TOR1B: variants seen among roughly 807,000 people sequenced by gnomAD.
The protein encoded by TOR1B is torsin-1B.
A neutral mutation model predicts 29.2 loss-of-function variants in TOR1B; 14 were observed. The observed-to-expected ratio is 0.48, with a 90% CI of 0.32 to 0.75. The LOEUF (loss-of-function observed/expected upper bound fraction) is 0.75, where lower values mean the gene tolerates loss of function less well. Among genes scored for constraint, TOR1B ranks in the 30% least tolerant of loss-of-function variants. The pLI is 0.04. For synonymous variants in TOR1B, 166 were observed against 179.8 expected (o/e 0.92, Z 0.62); for missense variants, 400 against 433.9 (o/e 0.92, Z 0.69).
Position 129,804,609 on chromosome 9 carries a change from C to T in TOR1B, c.465+271C>T. The T allele has an allele frequency of 9.9e-6, 4 of 404,488 alleles. No individual in the cohort carries two copies. The Admixed American group carries it at 1.2e-4, about 12-fold the overall frequency. 25.1% of individuals were successfully genotyped at this position (404,488 alleles called of 1,614,324 possible). A position where few individuals can be genotyped will look rare whatever the true frequency, so the allele number is the denominator to read the frequency against. On this transcript the variant is annotated intron_variant, in intron 2 of 4. Transcript: ENST00000259339. The stretch of plus-strand genomic sequence containing the variant: ...GCGCCGTGGCTCACGCCTGTAATCC[C>T]AGCATTTTGGGGAAGCCGAGGCGGG...
In TOR1B at chr9:129,810,189, C is replaced by T; in HGVS notation, c.*606C>T. The T allele has an allele frequency of 7.7e-7, 1 of 1,304,212 alleles. No individual in the cohort carries two copies. Among genetic ancestry groups the T allele is most frequent in the African/African-American group, 1.5e-5 (1 of 65,960 alleles). The allele number at this position is 1,304,212 out of a possible 1,614,324, so 80.8% of individuals were successfully genotyped here. A position where few individuals can be genotyped will look rare whatever the true frequency, so the allele number is the denominator to read the frequency against. On this transcript the variant is annotated 3_prime_UTR_variant, in exon 5 of 5. Coordinates refer to ENST00000259339, the MANE Select transcript of TOR1B (RefSeq NM_014506.3). ...TGCGGGGCACTGTGTTCTCATTGGC[C>T]AAAAACATCCTTTTGCTCTGTCTCG...
rs2030818164 is a variant in TOR1B at position 129,810,720 on chromosome 9, TC to T, written c.*1138del. ...ATGACATGGGCCCAGACTGAACAAGTCAGCTTGATGATCTTAAATGATGGAA... is the reference window on the plus strand; with the variant it reads ...ATGACATGGGCCCAGACTGAACAAGTAGCTTGATGATCTTAAATGATGGAA... On this transcript the variant is annotated 3_prime_UTR_variant, in exon 5 of 5. Coordinates refer to ENST00000259339, the MANE Select transcript of TOR1B (RefSeq NM_014506.3). 6.4e-6 allele frequency: 1 copy of T among 155,568 alleles called. No individual in the cohort carries two copies. The highest frequency in any genetic ancestry group is 6.3e-5 in the Admixed American group (1 of 15,796). The allele number at this position is 155,568 out of a possible 1,614,324, so 9.6% of individuals were successfully genotyped here.
intron 1 of TOR1B, 139 bp from the exon 2 acceptor site, chr9:129,803,934 T>C: frequency 9.2e-7 from 1 of 1,092,534 alleles, no homozygotes; most frequent in Non-Finnish European, 1.3e-6. Context: ...TTTGACTGCC[T>C]CGGCCCTAGG....
chr9:129,803,978 T>G, intron 1 of TOR1B, 95 bp from the exon 2 acceptor site: 2 of 1,529,460 alleles, frequency 1.3e-6, no homozygotes, highest in Non-Finnish European at 1.8e-6. Flanking sequence ...CCCTGGATAA[T>G]CTGTGCTTCT....
chr9:129,809,844 G>A lies in TOR1B; in HGVS notation c.*261G>A, dbSNP rs2030741411. 1 of 1,345,162 alleles carries A rather than the reference G, an allele frequency of 7.4e-7. No individual in the cohort carries two copies. Among genetic ancestry groups the A allele is most frequent in the Non-Finnish European group, 9.6e-7 (1 of 1,044,170 alleles). 83.3% of individuals were successfully genotyped at this position (1,345,162 alleles called of 1,614,324 possible). On this transcript the variant is annotated 3_prime_UTR_variant, in exon 5 of 5. Transcript: ENST00000259339. ...AGCCTCCCGAGTAGCTGGGATTACA[G>A]GCATGAGCCACTGTGCCCAGCTGGG...
rs111440015 is a variant in TOR1B, at chr9:129,810,399, C to A, written c.*816C>A. On this transcript the variant is annotated 3_prime_UTR_variant, in exon 5 of 5. Transcript: ENST00000259339. ...GACCTCTGCAGCAGACCTGGACAGA[C>A]AGGCCCCTCCCGCCTGTCCATCGCT... is the stretch of plus-strand genomic sequence containing the variant. The A allele has an allele frequency of 8.2e-7, 1 of 1,218,228 alleles. No homozygotes were observed. The highest frequency in any genetic ancestry group is 1.1e-6 in the Non-Finnish European group (1 of 945,424). 75.5% of individuals were successfully genotyped at this position (1,218,228 alleles called of 1,614,324 possible).
At chr9:129,808,028 C>T (rs2030606662) in intron 3 of TOR1B, among the ~76,000 whole-genome samples, 3 of 151,888 alleles carry the variant, frequency 2.0e-5, no homozygotes, top group Non-Finnish European at 4.4e-5. Flanking sequence ...CAATCAAGAC[C>T]CCGACCCTAA....
At position 129,809,132 on chromosome 9, in the gene TOR1B, C is replaced by G. The variant is rs1443388770; in HGVS notation, c.769+100C>G. On this transcript the variant is annotated intron_variant, in intron 4 of 4. Coordinates refer to ENST00000259339, the MANE Select transcript of TOR1B (RefSeq NM_014506.3). Reference sequence around the variant, plus strand: ...AAAGCCACAGGATCCCACTGGATTTCCTCACTTTGCTAAAGTCAGGAATTT... The same window carrying G: ...AAAGCCACAGGATCCCACTGGATTTGCTCACTTTGCTAAAGTCAGGAATTT... 15 of 1,526,666 alleles carry G rather than the reference C, an allele frequency of 9.8e-6. No individual in the cohort carries two copies. In the Admixed American group the frequency reaches 3.1e-4, roughly 31 times the overall value. 94.6% of individuals were successfully genotyped at this position (1,526,666 alleles called of 1,614,324 possible).
chr9:129,809,328 G>A lies in TOR1B; in HGVS notation c.770-14G>A, dbSNP rs1264411044. 1 of 1,613,874 alleles carries A rather than the reference G, an allele frequency of 6.2e-7. No individual in the cohort carries two copies. Among genetic ancestry groups the A allele is most frequent in the Non-Finnish European group, 8.5e-7 (1 of 1,179,774 alleles). ...CGGTGGTGGCAGGAAACCCAGCTGT[G>A]TCTTGTTCTGCAGGTGGCCTGTGGC... On this transcript the variant is annotated splice_polypyrimidine_tract_variant and intron_variant, in intron 4 of 4. Transcript: ENST00000259339.
At chr9:129,804,475 TC>T in intron 2 of TOR1B, 137 bp downstream of exon 2, 1 of 1,105,162 alleles carries the variant, frequency 9.0e-7, no homozygotes, top group Non-Finnish European at 1.3e-6. Flanking sequence ...GCACACTTAG[TC>T]CAGGTAGTTA....
intron 2 of TOR1B, among the ~76,000 whole-genome samples, chr9:129,805,680 C>T (rs1467905922): frequency 6.6e-6 from 1 of 152,180 alleles, no homozygotes; most frequent in Non-Finnish European, 1.5e-5. Context: ...GGTGCAGCCT[C>T]AGCTTTGCCT....
intron 2 of TOR1B, among the ~76,000 whole-genome samples, chr9:129,805,385 G>A (rs1176117696): frequency 6.6e-6 from 1 of 151,470 alleles, no homozygotes; most frequent in Non-Finnish European, 1.5e-5. Flanking sequence ...ATGGGCCACT[G>A]CACCCCAGCC....
At chr9:129,804,455 C>CT in intron 2 of TOR1B, 117 bp downstream of exon 2, 1 of 1,351,036 alleles carries the variant, frequency 7.4e-7, no homozygotes, top group African/African-American at 1.4e-5. Flanking sequence ...CCCGGCTCCA[C>CT]TGAGTTAAGG....
At position 129,810,595 on chromosome 9, in the gene TOR1B, T is replaced by G. The variant is rs2030811043; in HGVS notation, c.*1012T>G. ...TTGGCTTTGAATTTGAGTCGTTGGTTCCCATGGTGAGATGCTTGTTAAGAC... is the reference window on the plus strand; with the variant it reads ...TTGGCTTTGAATTTGAGTCGTTGGTGCCCATGGTGAGATGCTTGTTAAGAC... On this transcript the variant is annotated 3_prime_UTR_variant, in exon 5 of 5. Coordinates refer to ENST00000259339, the MANE Select transcript of TOR1B (RefSeq NM_014506.3). The G allele has an allele frequency of 3.5e-6, 1 of 288,486 alleles. No homozygotes were observed. Among genetic ancestry groups the G allele is most frequent in the Admixed American group, 5.1e-5 (1 of 19,478 alleles). The allele number at this position is 288,486 out of a possible 1,614,324, so 17.9% of individuals were successfully genotyped here.
chr9:129,809,869 G>C lies in TOR1B; in HGVS notation c.*286G>C, dbSNP rs774979273. Reference sequence around the variant, plus strand: ...GGCATGAGCCACTGTGCCCAGCTGGGATATAGAATCTAAGAGTTGATTGTG... The same window carrying C: ...GGCATGAGCCACTGTGCCCAGCTGGCATATAGAATCTAAGAGTTGATTGTG... On this transcript the variant is annotated 3_prime_UTR_variant, in exon 5 of 5. Transcript: ENST00000259339. The C allele has an allele frequency of 1.5e-6, 2 of 1,306,550 alleles. No individual in the cohort carries two copies. Among genetic ancestry groups the C allele is most frequent in the Non-Finnish European group, 2.0e-6 (2 of 1,019,440 alleles). 80.9% of individuals were successfully genotyped at this position (1,306,550 alleles called of 1,614,324 possible). A position where few individuals can be genotyped will look rare whatever the true frequency, so the allele number is the denominator to read the frequency against.
At chr9:129,804,498 TA>T (rs1424061275) in intron 2 of TOR1B, 160 bp downstream of exon 2, 1 of 888,182 alleles carries the variant, frequency 1.1e-6, no homozygotes, top group African/African-American at 1.7e-5. Flanking sequence ...AAAGCTCTCC[TA>T]CAACATTTCT....
At chr9:129,806,419 G>A (rs2030486296) in intron 2 of TOR1B, among the ~76,000 whole-genome samples, 1 of 152,124 alleles carries the variant, frequency 6.6e-6, no homozygotes, top group South Asian at 2.1e-4. Context: ...AAAACATCTG[G>A]AACAGATGCT....
rs757428205 is a variant in TOR1B, at chr9:129,809,628, G to A, written c.*45G>A. 6.8e-6 allele frequency: 11 copies of A among 1,607,902 alleles called. No individual in the cohort carries two copies. The highest frequency in any genetic ancestry group is 9.4e-6 in the Non-Finnish European group (11 of 1,176,124). On this transcript the variant is annotated 3_prime_UTR_variant, in exon 5 of 5. Transcript: ENST00000259339. ...AGGAGACAGCTGGGAGGCTCCGCAC[G>A]CCAGAGGCCTTGCCTTTCAGAAGAA...
At chr9:129,805,253 G>A (rs2030414693) in intron 2 of TOR1B, among the ~76,000 whole-genome samples, 2 of 152,016 alleles carry the variant, frequency 1.3e-5, no homozygotes, top group African/African-American at 4.8e-5. Context: ...TCGGGAGTTC[G>A]AGACCAGCCT....
Sources: allele counts gnomAD v4.1 joint callset (sites outside exome capture counted in the v4.1 genomes callset), GRCh38; gene constraint gnomAD v4.1.1; transcripts MANE v1.5; gene names NCBI Gene and HGNC (gene_info 2026-07-23, HGNC 2026-07-21).